The following CACNA1A variants were observed in gnomAD, a reference collection of about 807,000 sequenced individuals.
CACNA1A encodes calcium voltage-gated channel subunit alpha1 A, also known as voltage-dependent P/Q-type calcium channel subunit alpha-1A.
In CACNA1A, 57 loss-of-function variants were observed where a neutral mutation model predicts 262.4. The ratio of observed to expected loss-of-function variants is 0.22; its 90% CI spans 0.18 to 0.27. The LOEUF is 0.27. CACNA1A is among the 10% of genes least tolerant of loss of function. The pLI is 1.00. For synonymous variants in CACNA1A, 1,431 were observed against 1,419.3 expected (o/e 1.01, Z -0.18); for missense variants, 2,526 against 3,562.8 (o/e 0.71, Z 7.41).
chr19:13,277,814 A>G (rs1253823091), intron 22 of CACNA1A: 1 of 152,848 alleles, frequency 6.5e-6, no homozygotes, highest in Non-Finnish European at 1.5e-5. Context: ...CCGGCTGGGC[A>G]CGGTGGCTCG....
rs903773389 is a variant in CACNA1A at position 13,206,767 on chromosome 19, G to C, written c.*546C>G. On this transcript the variant is annotated 3_prime_UTR_variant, in exon 47 of 47. Coordinates refer to ENST00000360228, the MANE Select transcript of CACNA1A (RefSeq NM_001127222.2). ...CACTCTTGTGTGTGTCTGAGAACGT[G>C]TGTGGGTGTGAGTGTGTCTGGTGGT... is the stretch of plus-strand genomic sequence containing the variant. 13 of 154,060 alleles carry C rather than the reference G, an allele frequency of 8.4e-5. No homozygotes were observed. Among genetic ancestry groups the C allele is most frequent in the African/African-American group, 3.2e-4 (13 of 41,210 alleles). The allele number at this position is 154,060 out of a possible 1,614,324, so 9.5% of individuals were successfully genotyped here.
At chr19:13,416,796 C>G (rs1193018011) in intron 3 of CACNA1A, among the ~76,000 whole-genome samples, 1 of 152,048 alleles carries the variant, frequency 6.6e-6, no homozygotes, top group Non-Finnish European at 1.5e-5. Context: ...GCCCAGGCAA[C>G]AGTGCTACAC....
chr19:13,292,654 C>A (rs1410386587), intron 19 of CACNA1A, among the ~76,000 whole-genome samples: 2 of 151,896 alleles, frequency 1.3e-5, no homozygotes, highest in African/African-American at 2.4e-5. Context: ...GAATGAAAAA[C>A]ACAGGGTACG....
chr19:13,490,969 G>A (rs186818501), intron 1 of CACNA1A, among the ~76,000 whole-genome samples: 34 of 147,734 alleles, frequency 2.3e-4, no homozygotes, highest in African/African-American at 8.0e-4. Context: ...AGGAAGGGAG[G>A]GAGAGAAAGA....
Position 13,308,559 on chromosome 19 carries a change from G to A in CACNA1A, c.1669-31C>T, listed in dbSNP as rs747221742. 3 of 1,425,546 alleles carry A rather than the reference G, an allele frequency of 2.1e-6. No homozygotes were observed. The highest frequency in any genetic ancestry group is 1.2e-5 in the South Asian group (1 of 81,824). 88.3% of individuals were successfully genotyped at this position (1,425,546 alleles called of 1,614,324 possible). On this transcript the variant is annotated intron_variant, in intron 12 of 46. Coordinates refer to ENST00000360228, the MANE Select transcript of CACNA1A (RefSeq NM_001127222.2). This position sits in a 1 kb window ranked among gnomAD's most constrained non-coding sequence, Gnocchi z 4.2. Reference sequence around the variant, plus strand: ...GCAGAGAACCTGGTCTCATGTCCAGGGACAGTGTCTGGGCTCCAGAACTGG... The same window carrying A: ...GCAGAGAACCTGGTCTCATGTCCAGAGACAGTGTCTGGGCTCCAGAACTGG...
chr19:13,371,635 G>A, intron 4 of CACNA1A, 53 bp downstream of exon 4: 8 of 1,318,862 alleles, frequency 6.1e-6, no homozygotes, highest in Non-Finnish European at 7.5e-6. Flanking sequence ...GGGAAACTGA[G>A]GGCTCCTGGG....
chr19:13,307,908 G>T, intron 14 of CACNA1A, 54 bp from the exon 15 acceptor site: 1 of 1,504,430 alleles, frequency 6.6e-7, no homozygotes, highest in South Asian at 1.1e-5. Context: ...TGCTCTGAGG[G>T]TGTGGCTCAG....
intron 1 of CACNA1A, among the ~76,000 whole-genome samples, chr19:13,457,712 G>A (rs936422350): frequency 2.6e-5 from 4 of 152,134 alleles, no homozygotes; most frequent in Non-Finnish European, 5.9e-5. Context: ...AATTAGCTGG[G>A]TGTGGTGGCG....
rs13345924 is a variant in CACNA1A, at chr19:13,286,024, T to C, written c.3553+479A>G. 6.5e-3 allele frequency among the ~76,000 whole-genome samples: 975 copies of C among 150,186 alleles called. 14 individuals carry two copies. Among genetic ancestry groups the C allele is most frequent in the African/African-American group, 0.023 (934 of 40,592 alleles). Reference sequence around the variant, plus strand: ...CAGGCTGCAGTACAGAGGTGCCATCTTGGCTCACTCTACCTCGGCCTCCTG... The same window carrying C: ...CAGGCTGCAGTACAGAGGTGCCATCCTGGCTCACTCTACCTCGGCCTCCTG... On this transcript the variant is annotated intron_variant, in intron 20 of 46. Transcript: ENST00000360228.
At chr19:13,473,143 G>T (rs1041967847) in intron 1 of CACNA1A, among the ~76,000 whole-genome samples, 1 of 151,886 alleles carries the variant, frequency 6.6e-6, no homozygotes, top group Non-Finnish European at 1.5e-5. Context: ...AGTCCCAGCT[G>T]CTCAGGAGGC....
chr19:13,430,299 C>T (rs1240119772), intron 3 of CACNA1A, among the ~76,000 whole-genome samples: 1 of 152,032 alleles, frequency 6.6e-6, no homozygotes, highest in Non-Finnish European at 1.5e-5. Flanking sequence ...CTCCACCTCC[C>T]GGGTTCAAGC....
intron 3 of CACNA1A, among the ~76,000 whole-genome samples, chr19:13,413,895 A>AAGAAAAAGAAAGAAAGAAAGAAAG (rs1183097814): frequency 4.3e-4 from 51 of 119,214 alleles, no homozygotes; most frequent in African/African-American, 2.1e-3. Context: ...GAAAGAAAGA[A>AAGAAAAAGAAAGAAAGAAAGAAAG]AAAGAAAGAA....
chr19:13,347,898 CATTT>C (rs924765796), intron 6 of CACNA1A, among the ~76,000 whole-genome samples: 1 of 151,824 alleles, frequency 6.6e-6, no homozygotes, highest in Non-Finnish European at 1.5e-5. Context: ...AGGGGACACG[CATTT>C]ATTTATTTAT....
intron 6 of CACNA1A, among the ~76,000 whole-genome samples, chr19:13,339,228 A>G (rs996000471): frequency 3.9e-5 from 6 of 152,142 alleles, no homozygotes; most frequent in African/African-American, 4.8e-5. Context: ...GTGCTGCAAC[A>G]TGGGTGAACC....
In CACNA1A at chr19:13,283,389, G is replaced by A. The variant is rs781738239; in HGVS notation, c.3700C>T (p.Arg1234Cys). Residue 1234 changes from arginine (R) to cysteine (C), a missense_variant, in exon 22 of 47, where the codon CGC (arginine) becomes TGC (cysteine). Transcript: ENST00000360228. ...FILSTTNPLR[R>C]LCHYILNLRY... ...AGGTTCAGGATGTAATGGCACAGGC[G>A]GCGAAGGCTGTTGGAGACAGATGGG... is the stretch of plus-strand genomic sequence containing the variant. 3 of 1,613,904 alleles carry A rather than the reference G, an allele frequency of 1.9e-6. No individual in the cohort carries two copies. The highest frequency in any genetic ancestry group is 1.7e-5 in the Admixed American group (1 of 60,024).
At chr19:13,384,357 T>C (rs1438274454) in intron 3 of CACNA1A, among the ~76,000 whole-genome samples, 1 of 151,982 alleles carries the variant, frequency 6.6e-6, no homozygotes, top group Non-Finnish European at 1.5e-5. Flanking sequence ...GACACAGACA[T>C]GGGAGGAGAC....
At chr19:13,360,265 G>GTGTATATATATATATATATATATA (rs941666561) in intron 5 of CACNA1A, among the ~76,000 whole-genome samples, 34 of 124,206 alleles carry the variant, frequency 2.7e-4, no homozygotes, top group Middle Eastern at 4.5e-3. Flanking sequence ...GTGTGTGTGT[G>GTGTATATATATATATATATATATA]TATATATATA....
At chr19:13,229,070 G>T in intron 36 of CACNA1A, 1 of 217,216 alleles carries the variant, frequency 4.6e-6, no homozygotes, top group Non-Finnish European at 9.1e-6. Flanking sequence ...GGTGGGGGGG[G>T]GCTTGTGGAA....
intron 3 of CACNA1A, among the ~76,000 whole-genome samples, chr19:13,387,560 A>G (rs1484416480): frequency 6.6e-6 from 1 of 152,078 alleles, no homozygotes; most frequent in Non-Finnish European, 1.5e-5. Context: ...CCCCACTGGG[A>G]CCTCAGCCAA....
Sources: allele counts gnomAD v4.1 joint callset (sites outside exome capture counted in the v4.1 genomes callset), GRCh38; gene constraint gnomAD v4.1.1; non-coding constraint Gnocchi (gnomAD v3.1); transcripts MANE v1.5; gene names NCBI Gene and HGNC (gene_info 2026-07-23, HGNC 2026-07-21).